Variants in NBEA observed in about 807,000 individuals in gnomAD.
The protein encoded by NBEA is lysosomal-trafficking regulator 2.
A neutral mutation model predicts 343.4 loss-of-function variants in NBEA; 44 were observed. That is an observed-to-expected ratio of 0.13 (90% CI 0.10 to 0.16). The LOEUF is 0.16. Ranked by LOEUF, NBEA falls within the 10% of genes least tolerant of loss-of-function variation. NBEA has a pLI of 1.00. For synonymous variants in NBEA, 1,175 were observed against 1,238.7 expected, an observed-to-expected ratio of 0.95 and a Z score of 1.08; for missense variants, 2,555 against 3,631.3, an observed-to-expected ratio of 0.70 and a Z score of 7.62.
chr13:35,292,885 G>C (rs1360099428), intron 35 of NBEA, among the ~76,000 whole-genome samples: 1 of 151,866 alleles, frequency 6.6e-6, no homozygotes, highest in Non-Finnish European at 1.5e-5. Flanking sequence ...GCCATTGAAA[G>C]ATAAAAATTT....
intron 50 of NBEA, 70 bp downstream of exon 50, chr13:35,646,001 G>T: frequency 2.0e-6 from 2 of 1,024,696 alleles, no homozygotes; most frequent in Non-Finnish European, 2.9e-6. Context: ...TCACAGGTTA[G>T]ATTTTCCACA....
chr13:35,076,974 C>T (rs2064149226), intron 10 of NBEA, among the ~76,000 whole-genome samples: 1 of 151,960 alleles, frequency 6.6e-6, no homozygotes. Flanking sequence ...TTACCACATG[C>T]CATAATTCAT....
intron 44 of NBEA, among the ~76,000 whole-genome samples, chr13:35,560,036 A>G (rs1167840036): frequency 2.0e-5 from 3 of 152,200 alleles, no homozygotes; most frequent in Non-Finnish European, 4.4e-5. Flanking sequence ...TGTGCCAAAC[A>G]TTGTTCTAAG....
At chr13:34,944,683 T>TAAAG (rs113565843) in intron 1 of NBEA, among the ~76,000 whole-genome samples, 12,290 of 152,230 alleles carry the variant, frequency 0.081, 605 homozygotes, top group African/African-American at 0.13. Flanking sequence ...TAAAAGAAGA[T>TAAAG]AAATCTCAAA....
rs571650302 is a variant in NBEA at position 35,398,911 on chromosome 13, G to A, written c.6180-33358G>A. ...TTTTCTCTAGCAATGAAAGTCCTAG[G>A]TGACATTTTCTCCCTATATAAGGCT... On this transcript the variant is annotated intron_variant, in intron 38 of 58. Transcript: ENST00000379939. 2.6e-5 allele frequency among the ~76,000 whole-genome samples: 4 copies of A among 152,210 alleles called. No individual in the cohort carries two copies. The East Asian group carries it at 5.8e-4, about 22-fold the overall frequency.
At chr13:35,470,638 A>G (rs2075600804) in intron 40 of NBEA, among the ~76,000 whole-genome samples, 1 of 152,158 alleles carries the variant, frequency 6.6e-6, no homozygotes, top group African/African-American at 2.4e-5. Flanking sequence ...AACCGCATAG[A>G]TTTCTTCAGA....
intron 7 of NBEA, among the ~76,000 whole-genome samples, chr13:35,058,059 C>T (rs1360374976): frequency 2.0e-5 from 3 of 151,986 alleles, no homozygotes; most frequent in Admixed American, 1.3e-4. Flanking sequence ...TTTGGGTGGG[C>T]GGGGTGTAAG....
At chr13:35,296,895 A>C (rs2036169007) in intron 35 of NBEA, among the ~76,000 whole-genome samples, 2 of 151,844 alleles carry the variant, frequency 1.3e-5, no homozygotes, top group South Asian at 4.2e-4. Context: ...TTTTTGTTAC[A>C]TTGTACATTT....
At chr13:35,436,707 CAAA>C (rs71081254) in intron 39 of NBEA, among the ~76,000 whole-genome samples, 1 of 80,394 alleles carries the variant, frequency 1.2e-5, no homozygotes, top group Non-Finnish European at 2.5e-5. Context: ...GACTCCGTCT[CAAA>C]AAAAAAAAAA....
At chr13:35,298,416 C>T (rs1168690206) in intron 35 of NBEA, among the ~76,000 whole-genome samples, 1 of 151,456 alleles carries the variant, frequency 6.6e-6, no homozygotes, top group East Asian at 1.9e-4. Context: ...CACTAATGTT[C>T]TTATACTGGC....
At chr13:35,357,897 CT>C (rs1293081381) in intron 38 of NBEA, among the ~76,000 whole-genome samples, 1 of 152,120 alleles carries the variant, frequency 6.6e-6, no homozygotes, top group African/African-American at 2.4e-5. Context: ...TTAGTAGTCT[CT>C]TCTTTTTTCT....
At chr13:35,571,029 A>G (rs2080383956) in intron 45 of NBEA, among the ~76,000 whole-genome samples, 1 of 152,176 alleles carries the variant, frequency 6.6e-6, no homozygotes, top group South Asian at 2.1e-4. Flanking sequence ...TATGACCAAG[A>G]ACATTCTAAA....
chr13:35,003,736 T>A (rs2061223934), intron 1 of NBEA, among the ~76,000 whole-genome samples: 1 of 152,212 alleles, frequency 6.6e-6, no homozygotes, highest in South Asian at 2.1e-4. Context: ...AATTTTTATC[T>A]CATTTAGATT....
intron 46 of NBEA, among the ~76,000 whole-genome samples, chr13:35,592,068 A>T (rs529130753): frequency 6.6e-6 from 1 of 152,252 alleles, no homozygotes; most frequent in East Asian, 1.9e-4. Flanking sequence ...CATCAAAAAC[A>T]TAAGAACAAC....
intron 38 of NBEA, among the ~76,000 whole-genome samples, chr13:35,371,404 C>G (rs2041426682): frequency 6.6e-6 from 1 of 151,732 alleles, no homozygotes; most frequent in Admixed American, 6.6e-5. Context: ...ATTGTTGAAG[C>G]TTTCTAATGT....
rs577315401 is a variant in NBEA at position 35,087,521 on chromosome 13, G to A, written c.1572-10776G>A. Among the ~76,000 whole-genome samples, 15 of 151,796 alleles carry A rather than the reference G, an allele frequency of 9.9e-5. No homozygotes were observed. The South Asian group carries it at 1.9e-3, about 19-fold the overall frequency. The stretch of plus-strand genomic sequence containing the variant: ...CAGCAATGAATTTTATAATAGTTAC[G>A]GCAGAAGGAAGTTGTAAATGATGTA... On this transcript the variant is annotated intron_variant, in intron 10 of 58. Coordinates refer to ENST00000379939, the MANE Select transcript of NBEA (RefSeq NM_001385012.1).
At chr13:35,538,756 G>A (rs9544582) in intron 41 of NBEA, among the ~76,000 whole-genome samples, 12,559 of 152,274 alleles carry the variant, frequency 0.082, 788 homozygotes, top group East Asian at 0.31. Context: ...TTTTCTACCT[G>A]TGGCCTCATG....
At chr13:34,965,491 A>C (rs2059791761) in intron 1 of NBEA, among the ~76,000 whole-genome samples, 1 of 152,016 alleles carries the variant, frequency 6.6e-6, no homozygotes. Flanking sequence ...GGTCAGCTGC[A>C]GTTTGCACAG....
intron 40 of NBEA, among the ~76,000 whole-genome samples, chr13:35,455,148 A>G (rs996344579): frequency 2.8e-4 from 42 of 152,088 alleles, no homozygotes; most frequent in Non-Finnish European, 4.9e-4. Flanking sequence ...CATCATTTTT[A>G]TAATTGTAAA....
Sources: gnomAD v4.1 joint callset for allele counts (sites outside exome capture counted in the v4.1 genomes callset) on GRCh38, gnomAD v4.1.1 for gene constraint, MANE v1.5 for transcripts, NCBI Gene and HGNC (gene_info 2026-07-23, HGNC 2026-07-21) for gene names.